TIMELESS: variants seen among roughly 807,000 people sequenced by gnomAD.
TIMELESS encodes protein timeless homolog.
TIMELESS carries 124 observed loss-of-function variants against 164.3 expected under a neutral mutation model. The ratio of observed to expected loss-of-function variants is 0.75; its 90% confidence interval spans 0.65 to 0.88. The LOEUF (loss-of-function observed/expected upper bound fraction) is 0.88, where lower values mean the gene tolerates loss of function less well. Among genes scored for constraint, TIMELESS ranks in the 40% least tolerant of loss-of-function variants. The pLI is 0.00. For synonymous variants in TIMELESS, 564 were observed against 563.4 expected (o/e 1.00, Z -0.02); for missense variants, 1,422 against 1,491.4 (o/e 0.95, Z 0.77).
intron 1 of TIMELESS, among the ~76,000 whole-genome samples, chr12:56,436,431 G>A (rs1395231178): frequency 6.6e-6 from 1 of 152,090 alleles, no homozygotes; most frequent in Non-Finnish European, 1.5e-5. Flanking sequence ...TCCAGCCTGG[G>A]CCACAGAGCA....
chr12:56,418,676 C>A (rs926270425), intron 26 of TIMELESS, among the ~76,000 whole-genome samples: 9 of 151,096 alleles, frequency 6.0e-5, no homozygotes, highest in Admixed American at 4.0e-4. Context: ...CTCTTGGGAT[C>A]AAGCTATCCT....
chr12:56,423,539 G>A (rs769169858), intron 17 of TIMELESS, 45 bp downstream of exon 17: 12 of 1,612,492 alleles, frequency 7.4e-6, no homozygotes, highest in African/African-American at 1.3e-5. Flanking sequence ...CCTCACAGCC[G>A]CACAATCGCC....
intron 13 of TIMELESS, among the ~76,000 whole-genome samples, chr12:56,427,333 G>T (rs1881710943): frequency 6.6e-6 from 1 of 152,120 alleles, no homozygotes; most frequent in Admixed American, 6.5e-5. Flanking sequence ...ATGTTGCCCA[G>T]GCTGGTCTCA....
chr12:56,421,780 C>A lies in TIMELESS; in HGVS notation c.2672G>T (p.Gly891Val). The A allele has an allele frequency of 6.2e-7, 1 of 1,614,192 alleles. No homozygotes were observed. Among genetic ancestry groups the A allele is most frequent in the East Asian group, 2.2e-5 (1 of 44,888 alleles). ...RKGTHIVLWT[G>V]DQELELQRLF... The stretch of plus-strand genomic sequence containing the variant: ...CCGCTGCAGCTCCAACTCCTGATCC[C>A]CCGTCCACAGTACAATATGGGTTCC... The change falls in exon 22 of 29, where the codon GGG becomes GTG. Residue 891 changes from glycine (G) to valine (V), a missense_variant. Coordinates refer to ENST00000553532, the MANE Select transcript of TIMELESS (RefSeq NM_003920.5).
Position 56,430,864 on chromosome 12 carries a change from G to A in TIMELESS, c.909+17C>T, listed in dbSNP as rs1198809714. 42 of 1,536,940 alleles carry A rather than the reference G, an allele frequency of 2.7e-5. No homozygotes were observed. Among genetic ancestry groups the A allele is most frequent in the Non-Finnish European group, 3.6e-5 (40 of 1,126,256 alleles). ...GCAACTCCACTATGTTCCCACTCCAGATGTAAGAATACTCACGTTGTGAAG... is the reference window on the plus strand; with the variant it reads ...GCAACTCCACTATGTTCCCACTCCAAATGTAAGAATACTCACGTTGTGAAG... On this transcript the variant is annotated intron_variant, in intron 9 of 28. Transcript: ENST00000553532.
At chr12:56,436,265 C>T (rs75197897) in intron 1 of TIMELESS, among the ~76,000 whole-genome samples, 2 of 151,946 alleles carry the variant, frequency 1.3e-5, no homozygotes, top group Non-Finnish European at 2.9e-5. Flanking sequence ...ACCAGCCTGA[C>T]CAACATGGTG....
At chr12:56,440,021 C>G (rs1354440669) in intron 1 of TIMELESS, among the ~76,000 whole-genome samples, 1 of 151,806 alleles carries the variant, frequency 6.6e-6, no homozygotes, top group African/African-American at 2.4e-5. Context: ...AAGTATCAAG[C>G]AGTTCAGATG....
chr12:56,416,764 C>G lies in TIMELESS; in HGVS notation c.*952G>C, dbSNP rs1881274877. On this transcript the variant is annotated 3_prime_UTR_variant, in exon 29 of 29. Transcript: ENST00000553532. ...TTTTTGAGACAGAGTCTTGCTCTGTCGCCCAGGCATATGCACTGGCGTGAC... is the reference window on the plus strand; with the variant it reads ...TTTTTGAGACAGAGTCTTGCTCTGTGGCCCAGGCATATGCACTGGCGTGAC... 1 of 150,214 alleles carries G rather than the reference C, an allele frequency of 6.7e-6. No individual in the cohort carries two copies. The highest frequency in any genetic ancestry group is 6.6e-5 in the Admixed American group (1 of 15,048). The allele number at this position is 150,214 out of a possible 1,614,324, so 9.3% of individuals were successfully genotyped here.
chr12:56,430,882 T>C lies in TIMELESS; in HGVS notation c.908A>G (p.Asn303Ser). The C allele has an allele frequency of 1.3e-6, 2 of 1,591,066 alleles. No individual in the cohort carries two copies. Among genetic ancestry groups the C allele is most frequent in the Non-Finnish European group, 1.7e-6 (2 of 1,165,846 alleles). Residue 303 changes from asparagine (N) to serine (S), a missense_variant and splice_region_variant, in exon 9 of 29, where the codon AAC becomes AGC. Asn to Ser is a conservative substitution (Grantham distance 46, BLOSUM62 1). Transcript: ENST00000553532. ...CACTCCAGATGTAAGAATACTCACG[T>C]TGTGAAGGCCTTTGTGAAAGATGAG... ...RDLIFHKGLH[N>S]LRNYSSDLGK...
chr12:56,420,409 T>C (rs1881426977), intron 26 of TIMELESS, among the ~76,000 whole-genome samples, 160 bp downstream of exon 26: 1 of 152,036 alleles, frequency 6.6e-6, no homozygotes, highest in Non-Finnish European at 1.5e-5. Context: ...ACTAGCAGAA[T>C]GGCTGCTGCA....
chr12:56,428,260 C>A lies in TIMELESS; in HGVS notation c.1554G>T (p.Arg518=), dbSNP rs1382676112. Residue 518 remains arginine (R), a synonymous_variant, in exon 13 of 29, where the codon CGG becomes CGT. Transcript: ENST00000553532. ...LFLKMLERFC[R]SRGNLVVQNK... ...CCTGCACCACCAGGTTCCCACGGCT[C>A]CGACAGAATCGCTCCAACATTTTGA... 1.4e-5 allele frequency: 23 copies of A among 1,606,790 alleles called. No homozygotes were observed. The highest frequency in any genetic ancestry group is 1.9e-5 in the Non-Finnish European group (22 of 1,174,728).
rs1384094182 is a variant in TIMELESS at position 56,417,856 on chromosome 12, G to T, written c.3556+51C>A. On this transcript the variant is annotated intron_variant, in intron 28 of 28. Transcript: ENST00000553532. Reference sequence around the variant, plus strand: ...TGTTAAGGGGTAAGGACGTGGTAGAGTTTGTCTTCAGGATTAGAGAAGAAA... The same window carrying T: ...TGTTAAGGGGTAAGGACGTGGTAGATTTTGTCTTCAGGATTAGAGAAGAAA... The T allele has an allele frequency of 5.0e-6, 8 of 1,613,466 alleles. 1 individual carries two copies. The highest frequency in any genetic ancestry group is 3.3e-4 in the Middle Eastern group (2 of 6,062).
At chr12:56,442,897 G>C (rs938713230) in intron 1 of TIMELESS, among the ~76,000 whole-genome samples, 5 of 152,094 alleles carry the variant, frequency 3.3e-5, no homozygotes, top group African/African-American at 1.2e-4. Flanking sequence ...AAATTATGAA[G>C]ATTTCATGGA....
At chr12:56,447,013 A>ATTT (rs763253463) in intron 1 of TIMELESS, among the ~76,000 whole-genome samples, 1 of 139,420 alleles carries the variant, frequency 7.2e-6, no homozygotes, top group Admixed American at 7.2e-5. Flanking sequence ...AATTCTTTTT[A>ATTT]TTTTTTTTTT....
In TIMELESS at chr12:56,432,503, C is replaced by T; in HGVS notation, c.553G>A (p.Ala185Thr). ...QEKKIDDDAS[A>T]HDQLLWAIHL... ...ATCGCCCAGAGGAGCTGGTCATGGG[C>T]ACTGGCGTCATCATCAATCTTCTGA... Residue 185 changes from alanine to threonine, a missense_variant, in exon 7 of 29, where the codon GCC (alanine) becomes ACC (threonine). Transcript: ENST00000553532. 6.2e-7 allele frequency: 1 copy of T among 1,614,046 alleles called. No homozygotes were observed. Among genetic ancestry groups the T allele is most frequent in the Non-Finnish European group, 8.5e-7 (1 of 1,179,988 alleles).
At chr12:56,431,037 C>A in intron 8 of TIMELESS, 69 bp from the exon 9 acceptor site, 1 of 1,115,660 alleles carries the variant, frequency 9.0e-7, no homozygotes, top group Non-Finnish European at 1.3e-6. Context: ...TCTCTATCAT[C>A]GGCACATTGG....
rs976849584 is a variant in TIMELESS, at chr12:56,436,077, C to T, written c.-61-1846G>A. On this transcript the variant is annotated intron_variant, in intron 1 of 28. Transcript: ENST00000553532. ...ATCACTATGAAAAACTCCATACTGTCTATGGAAAAACCAAACTCTGACAAA... is the reference window on the plus strand; with the variant it reads ...ATCACTATGAAAAACTCCATACTGTTTATGGAAAAACCAAACTCTGACAAA... 4.6e-5 allele frequency among the ~76,000 whole-genome samples: 7 copies of T among 152,000 alleles called. No individual in the cohort carries two copies. In the East Asian group the frequency reaches 1.3e-3, roughly 29 times the overall value.
rs770017474 is a variant in TIMELESS, at chr12:56,422,092, C to A, written c.2524+14G>T. ...GCCCTCCTCATAAACTCTCCAGATC[C>A]CAAGGCCTCTCACCTTCCACGTCCT... On this transcript the variant is annotated intron_variant, in intron 20 of 28. Transcript: ENST00000553532. 2 of 1,614,104 alleles carry A rather than the reference C, an allele frequency of 1.2e-6. No homozygotes were observed. The highest frequency in any genetic ancestry group is 1.7e-6 in the Non-Finnish European group (2 of 1,179,972).
intron 19 of TIMELESS, 128 bp downstream of exon 19, chr12:56,422,719 C>G: frequency 1.9e-6 from 2 of 1,063,102 alleles, no homozygotes; most frequent in South Asian, 3.2e-5. Flanking sequence ...TGAGCCTGTT[C>G]TCTCACCCAT....
Sources: allele counts gnomAD v4.1 joint callset (sites outside exome capture counted in the v4.1 genomes callset), GRCh38; gene constraint gnomAD v4.1.1; transcripts MANE v1.5; gene names NCBI Gene and HGNC (gene_info 2026-07-23, HGNC 2026-07-21).